Variants in ST6GALNAC3 observed in about 807,000 individuals in gnomAD.
ST6GALNAC3 encodes alpha-N-acetylgalactosaminide alpha-2,6-sialyltransferase 3.
In ST6GALNAC3, 25 loss-of-function variants were observed where a neutral mutation model predicts 32.7. The ratio of observed to expected loss-of-function variants is 0.76; its 90% CI spans 0.56 to 1.07. ST6GALNAC3 has a LOEUF of 1.07. ST6GALNAC3 is among the 50% of genes least tolerant of loss of function. ST6GALNAC3 has a pLI of 0.00. For missense variants in ST6GALNAC3, 355 were observed against 382.4 expected, an observed-to-expected ratio of 0.93 and a Z score of 0.60; for synonymous variants, 129 against 133.1, an observed-to-expected ratio of 0.97 and a Z score of 0.21.
intron 1 of ST6GALNAC3, among the ~76,000 whole-genome samples, chr1:76,265,689 C>T (rs1367381404): frequency 6.6e-6 from 1 of 152,046 alleles, no homozygotes; most frequent in Non-Finnish European, 1.5e-5. Flanking sequence ...AATCAGTTTC[C>T]GTACTTAGAA....
At chr1:76,407,646 A>G (rs1365655000) in intron 2 of ST6GALNAC3, among the ~76,000 whole-genome samples, 1 of 152,054 alleles carries the variant, frequency 6.6e-6, no homozygotes, top group Non-Finnish European at 1.5e-5. Context: ...TTGAGTGCAC[A>G]AGAGACAAGA....
At chr1:76,498,177 C>T (rs901308111) in intron 3 of ST6GALNAC3, among the ~76,000 whole-genome samples, 1 of 152,178 alleles carries the variant, frequency 6.6e-6, no homozygotes, top group Non-Finnish European at 1.5e-5. Context: ...TCAGTTTGCA[C>T]CTGGTGGCCA....
intron 1 of ST6GALNAC3, among the ~76,000 whole-genome samples, chr1:76,090,399 T>C (rs1647027877): frequency 6.6e-6 from 1 of 152,236 alleles, no homozygotes; most frequent in African/African-American, 2.4e-5. Flanking sequence ...AGCATGAGCA[T>C]TAACTTCAGA....
In ST6GALNAC3 at chr1:76,239,240, C is replaced by T. The variant is rs58210633; in HGVS notation, c.19-74565C>T. ...GGGTGATGCTCTTTCTTCTAACACC[C>T]TAGTTTTTGAATATATGGCCCAAGT... is the stretch of plus-strand genomic sequence containing the variant. On this transcript the variant is annotated intron_variant, in intron 1 of 4. Coordinates refer to ENST00000328299, the MANE Select transcript of ST6GALNAC3 (RefSeq NM_152996.4). Among the ~76,000 whole-genome samples the T allele has an allele frequency of 2.0e-3, 307 of 152,150 alleles. 2 individuals are homozygous for T. Among genetic ancestry groups the T allele is most frequent in the African/African-American group, 7.2e-3 (298 of 41,478 alleles).
At chr1:76,505,134 T>A (rs1461196074) in intron 3 of ST6GALNAC3, among the ~76,000 whole-genome samples, 1 of 151,952 alleles carries the variant, frequency 6.6e-6, no homozygotes, top group African/African-American at 2.4e-5. Flanking sequence ...AAAGCTTTTT[T>A]TTTTTTTCAG....
chr1:76,469,266 A>G (rs28506791), intron 3 of ST6GALNAC3, among the ~76,000 whole-genome samples: 1 of 152,072 alleles, frequency 6.6e-6, no homozygotes, highest in Non-Finnish European at 1.5e-5. Context: ...CCTTCATGCC[A>G]TCATCATTTA....
At chr1:76,101,004 A>G (rs539869283) in intron 1 of ST6GALNAC3, among the ~76,000 whole-genome samples, 1 of 152,156 alleles carries the variant, frequency 6.6e-6, no homozygotes, top group African/African-American at 2.4e-5. Context: ...ACAATTGATG[A>G]TCCTAAATTG....
intron 2 of ST6GALNAC3, among the ~76,000 whole-genome samples, chr1:76,334,011 A>G (rs1199170782): frequency 6.6e-6 from 1 of 152,220 alleles, no homozygotes; most frequent in African/African-American, 2.4e-5. Flanking sequence ...AGGTGTAACC[A>G]TTAAGCATTA....
At chr1:76,336,993 G>C (rs1647533349) in intron 2 of ST6GALNAC3, among the ~76,000 whole-genome samples, 1 of 152,232 alleles carries the variant, frequency 6.6e-6, no homozygotes, top group Non-Finnish European at 1.5e-5. Context: ...CGCTGCCAGA[G>C]TGGAGACAAG....
intron 3 of ST6GALNAC3, among the ~76,000 whole-genome samples, chr1:76,578,355 T>C (rs973114558): frequency 6.6e-6 from 1 of 152,096 alleles, no homozygotes; most frequent in African/African-American, 2.4e-5. Context: ...GAGGTCATTA[T>C]ATCATAATCT....
chr1:76,415,171 C>CTTTTTTTTTT (rs71072000), intron 3 of ST6GALNAC3, among the ~76,000 whole-genome samples: 1 of 70,462 alleles, frequency 1.4e-5, no homozygotes, highest in Non-Finnish European at 2.6e-5. Context: ...GGATTCATGT[C>CTTTTTTTTTT]TTTTTTTTTT....
intron 1 of ST6GALNAC3, among the ~76,000 whole-genome samples, chr1:76,241,554 C>G (rs573888967): frequency 7.9e-5 from 12 of 152,250 alleles, no homozygotes; most frequent in African/African-American, 2.6e-4. Context: ...CAAACACCTC[C>G]CATTAGTCCC....
At chr1:76,615,574 A>G (rs1251968550) in intron 3 of ST6GALNAC3, among the ~76,000 whole-genome samples, 1 of 152,154 alleles carries the variant, frequency 6.6e-6, no homozygotes, top group Non-Finnish European at 1.5e-5. Flanking sequence ...CTCCTCGGCT[A>G]TTTTGCCAAG....
At chr1:76,310,780 C>T (rs1482553520) in intron 1 of ST6GALNAC3, among the ~76,000 whole-genome samples, 1 of 152,164 alleles carries the variant, frequency 6.6e-6, no homozygotes, top group Non-Finnish European at 1.5e-5. Flanking sequence ...GGGGGCCCAG[C>T]CCAACTATAT....
intron 1 of ST6GALNAC3, among the ~76,000 whole-genome samples, chr1:76,162,568 G>A (rs995117607): frequency 7.2e-5 from 11 of 152,162 alleles, no homozygotes; most frequent in African/African-American, 2.7e-4. Flanking sequence ...CAGTGTTGTA[G>A]TGAGGGTTTA....
At chr1:76,082,848 AG>A (rs1238961727) in intron 1 of ST6GALNAC3, among the ~76,000 whole-genome samples, 1 of 151,748 alleles carries the variant, frequency 6.6e-6, no homozygotes, top group Admixed American at 6.6e-5. Context: ...CCAGAAAAAG[AG>A]GATACTTGGG....
chr1:76,310,191 G>C (rs2100881736), intron 1 of ST6GALNAC3, among the ~76,000 whole-genome samples: 1 of 152,132 alleles, frequency 6.6e-6, no homozygotes, highest in Middle Eastern at 3.4e-3. Flanking sequence ...TTAAGAAAAA[G>C]GTTCTTACCT....
At chr1:76,256,732 CTTT>C (rs398053129) in intron 1 of ST6GALNAC3, among the ~76,000 whole-genome samples, 1 of 143,304 alleles carries the variant, frequency 7.0e-6, no homozygotes, top group Non-Finnish European at 1.5e-5. Context: ...CATAAAATGA[CTTT>C]TTTTTTTTTT....
At position 76,444,735 on chromosome 1, in the gene ST6GALNAC3, C is replaced by T. The variant is rs1261984766; in HGVS notation, c.623+32318C>T. Among the ~76,000 whole-genome samples, 3 of 152,072 alleles carry T rather than the reference C, an allele frequency of 2.0e-5. No individual in the cohort carries two copies. The East Asian group carries it at 5.8e-4, about 30-fold the overall frequency. On this transcript the variant is annotated intron_variant, in intron 3 of 4. Transcript: ENST00000328299. ...AAGGAAACAGAGGAACAGCTTCTAA[C>T]AGTGAGAAGAGTAACATTAAGGAAC...
Sources: allele counts gnomAD v4.1 joint callset (sites outside exome capture counted in the v4.1 genomes callset), GRCh38; gene constraint gnomAD v4.1.1; transcripts MANE v1.5; gene names NCBI Gene and HGNC (gene_info 2026-07-23, HGNC 2026-07-21).